Variants in TGFBI observed in about 807,000 individuals in gnomAD.
The protein encoded by TGFBI is transforming growth factor-beta-induced protein ig-h3.
A neutral mutation model predicts 73.7 loss-of-function variants in TGFBI; 50 were observed. That is an observed-to-expected ratio of 0.68 (90% confidence interval 0.54 to 0.86). The LOEUF is 0.86. TGFBI is among the 40% of genes least tolerant of loss of function. The pLI is 0.00. For synonymous variants in TGFBI, 362 were observed against 360.5 expected (o/e 1.00, Z -0.05); for missense variants, 839 against 877.0 (o/e 0.96, Z 0.55).
At chr5:136,033,101 G>T (rs1751150499) in intron 1 of TGFBI, among the ~76,000 whole-genome samples, 2 of 152,116 alleles carry the variant, frequency 1.3e-5, no homozygotes, top group Admixed American at 1.3e-4. Context: ...GTTCTGTTGA[G>T]TGTTAGATGC....
At chr5:136,054,967 G>T in intron 10 of TGFBI, 106 bp downstream of exon 10, 1 of 1,339,640 alleles carries the variant, frequency 7.5e-7, no homozygotes, top group Non-Finnish European at 1.0e-6. Context: ...CATGAGAACT[G>T]GTTGCTGACA....
chr5:136,037,171 A>G (rs985555249), intron 2 of TGFBI, among the ~76,000 whole-genome samples: 1 of 152,228 alleles, frequency 6.6e-6, no homozygotes, highest in Non-Finnish European at 1.5e-5. Context: ...TCAAGCTGAC[A>G]TATGGACTTT....
In TGFBI at chr5:136,053,013, CG is replaced by C; in HGVS notation, c.1024del (p.Asp342ThrfsTer17). 6.2e-7 allele frequency: 1 copy of C among 1,614,010 alleles called. No individual in the cohort carries two copies. The highest frequency in any genetic ancestry group is 8.5e-7 in the Non-Finnish European group (1 of 1,179,888). ...GCACGACACTGGAGGTGGGCTGCAG[CG>C]GGGACATGCTCACTATCAACGGGAA... ...EGTTLEVGCSGDMLTINGKAI... is the reference protein window; with the variant it reads ...EGTTLEVGCSXDMLTINGKAI... On this transcript the variant is annotated frameshift_variant, in exon 8 of 17. Coordinates refer to ENST00000442011, the MANE Select transcript of TGFBI (RefSeq NM_000358.3). LOFTEE classifies it high-confidence loss of function.
intron 15 of TGFBI, among the ~76,000 whole-genome samples, chr5:136,062,204 G>A (rs2126918474): frequency 6.6e-6 from 1 of 152,304 alleles, no homozygotes; most frequent in East Asian, 1.9e-4. Flanking sequence ...TCTTGGGAAT[G>A]TGAAGTGCCT....
At chr5:136,036,243 G>A (rs1459219114) in intron 2 of TGFBI, among the ~76,000 whole-genome samples, 1 of 152,222 alleles carries the variant, frequency 6.6e-6, no homozygotes, top group South Asian at 2.1e-4. Flanking sequence ...ATGGGGTTCA[G>A]AGTGGACTCA....
intron 1 of TGFBI, among the ~76,000 whole-genome samples, chr5:136,032,673 C>A (rs571069667): frequency 6.6e-6 from 1 of 152,144 alleles, no homozygotes; most frequent in African/African-American, 2.4e-5. Context: ...ATTTGCTTTC[C>A]TCTGACTTGT....
chr5:136,061,079 G>A, intron 14 of TGFBI, 143 bp downstream of exon 14: 1 of 653,284 alleles, frequency 1.5e-6, no homozygotes, highest in South Asian at 2.6e-5. Flanking sequence ...ACTGATTGCA[G>A]AGTGAATTGG....
At chr5:136,033,576 G>T (rs1751160466) in intron 1 of TGFBI, among the ~76,000 whole-genome samples, 187 bp from the exon 2 acceptor site, 1 of 152,166 alleles carries the variant, frequency 6.6e-6, no homozygotes, top group South Asian at 2.1e-4. Flanking sequence ...TTTCATGGGG[G>T]CTGATGGGAA....
At chr5:136,059,023 G>A in intron 12 of TGFBI, 67 bp from the exon 13 acceptor site, 1 of 1,556,986 alleles carries the variant, frequency 6.4e-7, no homozygotes, top group Non-Finnish European at 8.7e-7. Flanking sequence ...TCTCCTCTGG[G>A]CCCTCCTTGA....
chr5:136,056,449 A>G, intron 11 of TGFBI: 1 of 567,574 alleles, frequency 1.8e-6, no homozygotes, highest in Non-Finnish European at 3.1e-6. Context: ...CATTTAACAG[A>G]GCTTAGCATT....
At position 136,061,592 on chromosome 5, in the gene TGFBI, C is replaced by G; in HGVS notation, c.1986+13C>G. 6.2e-7 allele frequency: 1 copy of G among 1,612,150 alleles called. No individual in the cohort carries two copies. Among genetic ancestry groups the G allele is most frequent in the Non-Finnish European group, 8.5e-7 (1 of 1,178,554 alleles). On this transcript the variant is annotated intron_variant, in intron 15 of 16. Coordinates refer to ENST00000442011, the MANE Select transcript of TGFBI (RefSeq NM_000358.3). ...AGCGTTTTCCAGGGTAAGATGCCTGCTAGGTTTGCGCCTAGCCTGAGCAGC... is the reference window on the plus strand; with the variant it reads ...AGCGTTTTCCAGGGTAAGATGCCTGGTAGGTTTGCGCCTAGCCTGAGCAGC...
At position 136,046,952 on chromosome 5, in the gene TGFBI, C is replaced by T. The variant is rs141157946; in HGVS notation, c.561C>T (p.His187=). ...GAGTCCTGACTGATGAGCTGAAACACGGCATGACCCTCACCTCTATGTACC... is the reference window on the plus strand; with the variant it reads ...GAGTCCTGACTGATGAGCTGAAACATGGCATGACCCTCACCTCTATGTACC... The part of the protein sequence containing the change: ...GRRVLTDELK[H]GMTLTSMYQN... The change falls in exon 5 of 17, where the codon CAC becomes CAT. Residue 187 remains histidine (H), a synonymous_variant. Coordinates refer to ENST00000442011, the MANE Select transcript of TGFBI (RefSeq NM_000358.3). 3.6e-4 allele frequency: 579 copies of T among 1,613,808 alleles called. 2 individuals are homozygous for T. The highest frequency in any genetic ancestry group is 4.3e-4 in the Non-Finnish European group (510 of 1,179,876).
chr5:136,061,935 C>T (rs768307111), intron 15 of TGFBI, among the ~76,000 whole-genome samples: 1 of 152,212 alleles, frequency 6.6e-6, no homozygotes, highest in South Asian at 2.1e-4. Context: ...TGCCCTGAGC[C>T]GGGGCCTCTG....
At chr5:136,043,940 T>G in intron 2 of TGFBI, 118 bp from the exon 3 acceptor site, 2 of 783,542 alleles carry the variant, frequency 2.6e-6, no homozygotes, top group Non-Finnish European at 4.4e-6. Flanking sequence ...AAGAGGAGAG[T>G]GTTTCACCCA....
At chr5:136,029,873 A>G (rs56898884) in intron 1 of TGFBI, among the ~76,000 whole-genome samples, 136 of 152,330 alleles carry the variant, frequency 8.9e-4, no homozygotes, top group African/African-American at 3.1e-3. Context: ...CACTGGAGCC[A>G]GGATTGGAGT....
Position 136,060,873 on chromosome 5 carries a change from G to A in TGFBI, c.1843G>A (p.Glu615Lys), listed in dbSNP as rs750093806. 1.2e-5 allele frequency: 19 copies of A among 1,601,460 alleles called. No individual in the cohort carries two copies. The highest frequency in any genetic ancestry group is 2.2e-5 in the South Asian group (2 of 89,440). ...GAGTGTCAACAAGGAGCCTGTTGCC[G>A]AGCCTGACATCATGGCCACAAATGG... is the stretch of plus-strand genomic sequence containing the variant. The part of the protein sequence containing the change: ...VVSVNKEPVA[E>K]PDIMATNGVV... The change falls in exon 14 of 17, where the codon GAG becomes AAG. Residue 615 changes from glutamate to lysine, a missense_variant. Transcript: ENST00000442011.
At chr5:136,052,629 A>G (rs1399681308) in intron 7 of TGFBI, among the ~76,000 whole-genome samples, 1 of 152,212 alleles carries the variant, frequency 6.6e-6, no homozygotes, top group East Asian at 1.9e-4. Flanking sequence ...AGATGAATGC[A>G]ATTCTTATGT....
At chr5:136,053,864 G>A in intron 8 of TGFBI, 79 bp from the exon 9 acceptor site, 1 of 1,587,730 alleles carries the variant, frequency 6.3e-7, no homozygotes, top group Non-Finnish European at 8.6e-7. Context: ...CTGCTGATGT[G>A]TGTCATGCCC....
At chr5:136,059,308 C>A in intron 13 of TGFBI, 94 bp downstream of exon 13, 4 of 1,502,094 alleles carry the variant, frequency 2.7e-6, no homozygotes, top group South Asian at 2.6e-5. Context: ...ACACACACAA[C>A]CTTCAAGTTG....
Sources: gnomAD v4.1 joint callset for allele counts (sites outside exome capture counted in the v4.1 genomes callset) on GRCh38, gnomAD v4.1.1 for gene constraint, MANE v1.5 for transcripts, NCBI Gene and HGNC (gene_info 2026-07-23, HGNC 2026-07-21) for gene names.